The following GRIA1 variants were observed in gnomAD, a reference collection of about 807,000 sequenced individuals.
The protein encoded by GRIA1 is glutamate receptor 1.
Under a neutral mutation model 99.2 loss-of-function variants are expected in GRIA1, and 31 were observed. The ratio of observed to expected loss-of-function variants is 0.31; its 90% confidence interval spans 0.23 to 0.42. The LOEUF is 0.42. GRIA1 is among the 10% of genes least tolerant of loss of function. The pLI is 1.00. For synonymous variants in GRIA1, 438 were observed against 432.4 expected (o/e 1.01, Z -0.16); for missense variants, 782 against 1,157.5 (o/e 0.68, Z 4.71).
At chr5:153,512,044 T>G (rs1756131264) in intron 2 of GRIA1, among the ~76,000 whole-genome samples, 1 of 152,178 alleles carries the variant, frequency 6.6e-6, no homozygotes, top group South Asian at 2.1e-4. Flanking sequence ...AAATAAATTA[T>G]TTTTAGTGCA....
intron 2 of GRIA1, among the ~76,000 whole-genome samples, chr5:153,630,970 T>G (rs1259193919): frequency 6.6e-6 from 1 of 152,210 alleles, no homozygotes; most frequent in East Asian, 1.9e-4. Flanking sequence ...GATCTGGAAA[T>G]AACTGTGTTT....
intron 2 of GRIA1, among the ~76,000 whole-genome samples, chr5:153,500,871 A>T (rs1754950307): frequency 6.6e-6 from 1 of 152,114 alleles, no homozygotes; most frequent in Admixed American, 6.6e-5. Context: ...CATGGATTCA[A>T]ATGCTGGACT....
chr5:153,580,933 G>A (rs758831109), intron 2 of GRIA1, among the ~76,000 whole-genome samples: 58 of 152,318 alleles, frequency 3.8e-4, no homozygotes, highest in Admixed American at 6.5e-4. Context: ...GGCAGCAGCC[G>A]AGATGGGGTA....
At chr5:153,737,168 A>G (rs1761435498) in intron 11 of GRIA1, among the ~76,000 whole-genome samples, 1 of 152,044 alleles carries the variant, frequency 6.6e-6, no homozygotes, top group Non-Finnish European at 1.5e-5. Flanking sequence ...TATCATAGTA[A>G]TAATCACTAC....
Position 153,587,047 on chromosome 5 carries a change from G to A in GRIA1, c.221-59881G>A, listed in dbSNP as rs576054684. Among the ~76,000 whole-genome samples, 5 of 152,194 alleles carry A rather than the reference G, an allele frequency of 3.3e-5. No individual in the cohort carries two copies. The East Asian group carries it at 5.8e-4, about 18-fold the overall frequency. ...TTTGCCTCCTGCATCAAAATTTCAG[G>A]TGGCTACTCACCTGGGATGGTAGTG... On this transcript the variant is annotated intron_variant, in intron 2 of 15. Coordinates refer to ENST00000285900, the MANE Select transcript of GRIA1 (RefSeq NM_000827.4).
intron 14 of GRIA1, among the ~76,000 whole-genome samples, chr5:153,798,228 G>A (rs925883874): frequency 6.6e-6 from 1 of 152,128 alleles, no homozygotes. Flanking sequence ...TTCTCACTTT[G>A]GTCTTAGCTA....
chr5:153,813,631 G>A lies in GRIA1; in HGVS notation c.*2406G>A, dbSNP rs140363575. ...AAAGAGACTGACATTTTTCTCAACA[G>A]GAATCCATACTTAACAGTTCTGGCT... On this transcript the variant is annotated 3_prime_UTR_variant, in exon 16 of 16. Coordinates refer to ENST00000285900, the MANE Select transcript of GRIA1 (RefSeq NM_000827.4). 6.6e-6 allele frequency: 1 copy of A among 152,302 alleles called. No homozygotes were observed. Among genetic ancestry groups the A allele is most frequent in the Non-Finnish European group, 1.5e-5 (1 of 68,020 alleles). 9.4% of individuals were successfully genotyped at this position (152,302 alleles called of 1,614,324 possible).
intron 11 of GRIA1, among the ~76,000 whole-genome samples, chr5:153,745,753 T>G (rs1762115285): frequency 6.6e-6 from 1 of 152,196 alleles, no homozygotes; most frequent in South Asian, 2.1e-4. Context: ...GAAGAACATC[T>G]TAAACATCTT....
intron 2 of GRIA1, among the ~76,000 whole-genome samples, chr5:153,552,004 C>CTGCCAGTG (rs1289376759): frequency 6.6e-6 from 1 of 152,138 alleles, no homozygotes; most frequent in African/African-American, 2.4e-5. Context: ...AATGAATCAT[C>CTGCCAGTG]ACTTTGGAAT....
intron 2 of GRIA1, among the ~76,000 whole-genome samples, chr5:153,615,460 A>C (rs1766406131): frequency 6.6e-6 from 1 of 152,140 alleles, no homozygotes; most frequent in Non-Finnish European, 1.5e-5. Context: ...TAGTCAACAT[A>C]GTAAGGCCCT....
intron 1 of GRIA1, among the ~76,000 whole-genome samples, chr5:153,492,802 T>A (rs1754051351): frequency 6.6e-6 from 1 of 151,812 alleles, no homozygotes; most frequent in Non-Finnish European, 1.5e-5. Context: ...AAAAAAGAGA[T>A]TGAAGCATTA....
intron 2 of GRIA1, among the ~76,000 whole-genome samples, chr5:153,495,261 A>G (rs1754301966): frequency 6.6e-6 from 1 of 152,262 alleles, no homozygotes. Flanking sequence ...AGCACTGACT[A>G]CAGCCCATGT....
At chr5:153,794,479 T>G in intron 13 of GRIA1, 142 bp from the exon 14 acceptor site, 7 of 651,470 alleles carry the variant, frequency 1.1e-5, no homozygotes, top group Non-Finnish European at 2.0e-5. Flanking sequence ...CCTGCAGTGA[T>G]GTTGGGGGCA....
chr5:153,655,833 G>C lies in GRIA1; in HGVS notation c.660G>C (p.Glu220Asp). Residue 220 changes from glutamate (E) to aspartate (D), a missense_variant, in exon 5 of 16, where the codon GAG becomes GAC. By Grantham distance (45) the Glu-to-Asp change is conservative. Transcript: ENST00000285900. ...NAILGQIIKLEKNGIGYHYIL... is the reference protein window; with the variant it reads ...NAILGQIIKLDKNGIGYHYIL... ...ATGTTTTGTAGATTATAAAGCTAGA[G>C]AAGAATGGCATCGGCTACCACTACA... is the stretch of plus-strand genomic sequence containing the variant. The C allele has an allele frequency of 6.2e-7, 1 of 1,613,320 alleles. No individual in the cohort carries two copies. The highest frequency in any genetic ancestry group is 1.1e-5 in the South Asian group (1 of 91,058).
At chr5:153,619,558 T>A (rs1409268624) in intron 2 of GRIA1, among the ~76,000 whole-genome samples, 1 of 151,982 alleles carries the variant, frequency 6.6e-6, no homozygotes, top group Non-Finnish European at 1.5e-5. Flanking sequence ...ATCCACATAA[T>A]GGAAGGCATG....
chr5:153,729,128 A>G (rs1005624309), intron 11 of GRIA1, among the ~76,000 whole-genome samples: 3 of 150,952 alleles, frequency 2.0e-5, no homozygotes, highest in Non-Finnish European at 4.4e-5. Flanking sequence ...GTAAACTATC[A>G]CAAGAACAAA....
At chr5:153,631,374 G>A (rs1328522912) in intron 2 of GRIA1, among the ~76,000 whole-genome samples, 1 of 152,174 alleles carries the variant, frequency 6.6e-6, no homozygotes. Context: ...TTTGCTGGTG[G>A]CATACCAGAA....
At chr5:153,502,363 T>C (rs1345978612) in intron 2 of GRIA1, among the ~76,000 whole-genome samples, 1 of 152,174 alleles carries the variant, frequency 6.6e-6, no homozygotes, top group African/African-American at 2.4e-5. Context: ...CATTGCTGCT[T>C]AGGGTAATGC....
At chr5:153,763,613 C>T (rs1395862488) in intron 11 of GRIA1, among the ~76,000 whole-genome samples, 1 of 152,170 alleles carries the variant, frequency 6.6e-6, no homozygotes, top group Non-Finnish European at 1.5e-5. Flanking sequence ...TGCAAATCAT[C>T]TTGTAATATC....
Sources: gnomAD v4.1 joint callset for allele counts (sites outside exome capture counted in the v4.1 genomes callset) on GRCh38, gnomAD v4.1.1 for gene constraint, MANE v1.5 for transcripts, NCBI Gene and HGNC (gene_info 2026-07-23, HGNC 2026-07-21) for gene names.